Variants in BEST3 observed in about 807,000 individuals in gnomAD.
BEST3 encodes bestrophin 3, also known as bestrophin-3.
Under a neutral mutation model 47.1 loss-of-function variants are expected in BEST3, and 50 were observed. That is an observed-to-expected ratio of 1.06 (90% CI 0.85 to 1.34). BEST3 has a LOEUF of 1.34. Among genes scored for constraint, BEST3 ranks in the 40% most tolerant of loss-of-function variants. The probability of loss-of-function intolerance (pLI) is 0.00; values close to 1 mark genes in which losing one functional copy is unlikely to be tolerated. For synonymous variants in BEST3, 282 were observed against 298.8 expected (o/e 0.94, Z 0.58); for missense variants, 765 against 817.0 (o/e 0.94, Z 0.78).
chr12:69,658,883 G>A (rs990565335), intron 9 of BEST3, among the ~76,000 whole-genome samples: 1 of 152,194 alleles, frequency 6.6e-6, no homozygotes, highest in African/African-American at 2.4e-5. Flanking sequence ...CGTATACCAG[G>A]TTGTGGGATG....
chr12:69,698,182 T>C (rs1368875489), intron 1 of BEST3, among the ~76,000 whole-genome samples: 1 of 152,228 alleles, frequency 6.6e-6, no homozygotes, highest in Non-Finnish European at 1.5e-5. Flanking sequence ...CATGTAGATG[T>C]CTCTCTAGTG....
chr12:69,699,089 ACTTTC>A, intron 1 of BEST3, 111 bp downstream of exon 1: 10 of 560,802 alleles, frequency 1.8e-5, no homozygotes, highest in Non-Finnish European at 2.3e-5. Flanking sequence ...TCCTTAATTA[ACTTTC>A]CTTTCTTTCA....
In BEST3 at chr12:69,677,049, T is replaced by G; in HGVS notation, c.734A>C (p.Tyr245Ser). 1 of 1,614,134 alleles carries G rather than the reference T, an allele frequency of 6.2e-7. No individual in the cohort carries two copies. The highest frequency in any genetic ancestry group is 8.5e-7 in the Non-Finnish European group (1 of 1,180,030). Reference protein sequence around the residue: ...VYTQVVTLAVYTFFFACLIGR... With the variant: ...VYTQVVTLAVSTFFFACLIGR... ...AATCAGGCACGCAAAGAAGAAGGTATAGACAGCAAGAGTGACAACCTGGAA... is the reference window on the plus strand; with the variant it reads ...AATCAGGCACGCAAAGAAGAAGGTAGAGACAGCAAGAGTGACAACCTGGAA... The change falls in exon 7 of 10, where the codon TAT (tyrosine) becomes TCT (serine). Residue 245 changes from tyrosine to serine, a missense_variant. Coordinates refer to ENST00000330891, the MANE Select transcript of BEST3 (RefSeq NM_032735.3).
intron 9 of BEST3, among the ~76,000 whole-genome samples, chr12:69,656,538 A>G (rs1883512328): frequency 6.6e-6 from 1 of 152,102 alleles, no homozygotes; most frequent in African/African-American, 2.4e-5. Flanking sequence ...TTTATTGACT[A>G]TATACTAAGG....
At chr12:69,697,965 A>C (rs935755389) in intron 1 of BEST3, among the ~76,000 whole-genome samples, 152 bp from the exon 2 acceptor site, 3 of 152,224 alleles carry the variant, frequency 2.0e-5, no homozygotes, top group African/African-American at 7.2e-5. Flanking sequence ...CGGAACTTTC[A>C]GATAACCATT....
intron 4 of BEST3, among the ~76,000 whole-genome samples, chr12:69,687,879 A>G (rs1398485132): frequency 1.3e-5 from 2 of 152,334 alleles, no homozygotes; most frequent in South Asian, 2.1e-4. Flanking sequence ...TAAGATTTGT[A>G]GTAAATTTTA....
intron 9 of BEST3, among the ~76,000 whole-genome samples, chr12:69,667,682 A>G (rs994662014): frequency 6.6e-5 from 10 of 152,158 alleles, no homozygotes; most frequent in Non-Finnish European, 1.2e-4. Flanking sequence ...GTGTGTCTTC[A>G]TTGCGTGTGT....
At chr12:69,652,850 GGA>G (rs1389400426), downstream of BEST3, among the ~76,000 whole-genome samples, 1 of 152,190 alleles carries the variant, frequency 6.6e-6, no homozygotes, top group Non-Finnish European at 1.5e-5. Context: ...CTGGTGACTG[GGA>G]GAAGGTTAGG....
chr12:69,671,697 A>C (rs921157033), intron 8 of BEST3, 118 bp from the exon 9 acceptor site: 7 of 893,270 alleles, frequency 7.8e-6, no homozygotes, highest in African/African-American at 1.7e-5. Context: ...GAGTGAATAT[A>C]CAAATGTCTG....
intron 4 of BEST3, among the ~76,000 whole-genome samples, chr12:69,685,238 T>C (rs569804368): frequency 1.2e-4 from 19 of 152,290 alleles, no homozygotes; most frequent in African/African-American, 4.6e-4. Flanking sequence ...TAGTTACCCA[T>C]ATCCTTGTCC....
At chr12:69,646,064 G>T (rs1392838493) in intron 9 of BEST3, among the ~76,000 whole-genome samples, 4 of 152,154 alleles carry the variant, frequency 2.6e-5, no homozygotes, top group Non-Finnish European at 4.4e-5. Context: ...AGCCTCTCGA[G>T]TAGCTGGGAT....
chr12:69,670,761 G>GTT (rs149285440), intron 9 of BEST3, among the ~76,000 whole-genome samples: 4 of 150,818 alleles, frequency 2.7e-5, no homozygotes, highest in African/African-American at 5.0e-5. Context: ...TTTTGCTACA[G>GTT]TTTTTTTGTT....
chr12:69,676,045 G>A (rs1356299003), intron 7 of BEST3, among the ~76,000 whole-genome samples: 1 of 152,164 alleles, frequency 6.6e-6, no homozygotes, highest in African/African-American at 2.4e-5. Context: ...CAGAGGTGAT[G>A]GAAGAATCAG....
chr12:69,668,342 T>A (rs1884355018), intron 9 of BEST3, among the ~76,000 whole-genome samples: 1 of 152,160 alleles, frequency 6.6e-6, no homozygotes, highest in South Asian at 2.1e-4. Context: ...AGGAAAGGAT[T>A]TTATATGGTC....
intron 4 of BEST3, among the ~76,000 whole-genome samples, chr12:69,685,468 A>G (rs1885524113): frequency 6.6e-6 from 1 of 152,156 alleles, no homozygotes; most frequent in Non-Finnish European, 1.5e-5. Context: ...ATACATTACA[A>G]TGGTCTGGGG....
intron 9 of BEST3, among the ~76,000 whole-genome samples, chr12:69,658,950 A>T (rs933432372): frequency 6.6e-6 from 1 of 152,164 alleles, no homozygotes; most frequent in Non-Finnish European, 1.5e-5. Flanking sequence ...AATGGAGGGC[A>T]TTGCTAGGGT....
intron 4 of BEST3, among the ~76,000 whole-genome samples, chr12:69,680,586 C>T (rs1333286355): frequency 1.3e-5 from 2 of 152,060 alleles, no homozygotes; most frequent in Non-Finnish European, 1.5e-5. Context: ...GGATTACAGG[C>T]GTGAGCCACC....
intron 5 of BEST3, 57 bp from the exon 6 acceptor site, chr12:69,677,314 A>G (rs145342394): frequency 7.1e-7 from 1 of 1,410,030 alleles, no homozygotes; most frequent in Non-Finnish European, 9.9e-7. Context: ...GGTAATAAGT[A>G]CTTACTGGGA....
chr12:69,648,824 T>A (rs1163319092), downstream of BEST3, among the ~76,000 whole-genome samples: 1 of 152,172 alleles, frequency 6.6e-6, no homozygotes, highest in Non-Finnish European at 1.5e-5. Context: ...ACCCAATCCT[T>A]TGTAACTATT....
Sources: allele counts gnomAD v4.1 joint callset (sites outside exome capture counted in the v4.1 genomes callset), GRCh38; gene constraint gnomAD v4.1.1; transcripts MANE v1.5; gene names NCBI Gene and HGNC (gene_info 2026-07-23, HGNC 2026-07-21).